The following PNPLA4 variants were observed in gnomAD, a reference collection of about 807,000 sequenced individuals.
The protein encoded by PNPLA4 is patatin like domain 4, phospholipase and triacylglycerol lipase.
A neutral mutation model predicts 18.3 loss-of-function variants in PNPLA4; 15 were observed. That is an observed-to-expected ratio of 0.82 (90% CI 0.55 to 1.26). PNPLA4 has a LOEUF of 1.26. Ranked by LOEUF, PNPLA4 falls within the 50% of genes most tolerant of loss-of-function variation. The pLI, the probability that PNPLA4 is intolerant of heterozygous loss-of-function variation, is 0.00. For synonymous variants in PNPLA4, 88 were observed against 85.6 expected, an observed-to-expected ratio of 1.03 and a Z score of -0.16; for missense variants, 229 against 196.8, an observed-to-expected ratio of 1.16 and a Z score of -0.98.
intron 4 of PNPLA4, among the ~76,000 whole-genome samples, chrX:7,914,510 A>G (rs759898406): frequency 1.8e-5 from 2 of 111,691 alleles, no homozygotes; most frequent in Non-Finnish European, 3.8e-5. Context: ...ATAATCACAG[A>G]CCCTAGGTAT....
At chrX:7,905,124 C>A (rs1275217279) in intron 5 of PNPLA4, among the ~76,000 whole-genome samples, 1 of 112,005 alleles carries the variant, frequency 8.9e-6, no homozygotes, top group Non-Finnish European at 1.9e-5. Flanking sequence ...AATAGAAAAA[C>A]CAAAAACAAA....
chrX:7,898,969 A>G lies in PNPLA4; in HGVS notation c.*1717T>C, dbSNP rs1159512958. On this transcript the variant is annotated 3_prime_UTR_variant, in exon 7 of 7. Transcript: ENST00000381042. ...AATATTCACATGAAATGATCAAAGG[A>G]AGGGGTAAGGAGAAAAGTATTAAAA... is the stretch of plus-strand genomic sequence containing the variant. 6 of 112,120 alleles carry G rather than the reference A, an allele frequency of 5.4e-5. No individual in the cohort carries two copies. The East Asian group carries it at 1.7e-3, about 31-fold the overall frequency. 9.2% of individuals were successfully genotyped at this position (112,120 alleles called of 1,213,427 possible). A position where few individuals can be genotyped will look rare whatever the true frequency, so the allele number is the denominator to read the frequency against.
chrX:7,907,469 C>T (rs1382356060), intron 5 of PNPLA4, among the ~76,000 whole-genome samples: 1 of 112,224 alleles, frequency 8.9e-6, no homozygotes, highest in African/African-American at 3.2e-5. Context: ...TCCAAATTGA[C>T]AAGAATCTGT....
At chrX:7,920,805 A>C (rs954337450) in intron 4 of PNPLA4, among the ~76,000 whole-genome samples, 12 of 112,589 alleles carry the variant, frequency 1.1e-4, no homozygotes, top group Non-Finnish European at 1.9e-4. Flanking sequence ...CAACTTTCAA[A>C]TGTGTTTGGA....
Position 7,921,720 on chromosome X carries a change from A to C in PNPLA4, c.404T>G (p.Leu135Arg). Residue 135 changes from leucine (L) to arginine (R), a missense_variant, in exon 4 of 7, where the codon CTC becomes CGC. Leu to Arg is a moderately radical substitution (Grantham distance 102, BLOSUM62 -2). Coordinates refer to ENST00000381042, the MANE Select transcript of PNPLA4 (RefSeq NM_004650.3). ...LVSTFSSRED[L>R]IKVLLASSFV... The stretch of plus-strand genomic sequence containing the variant: ...GAAACATGGCTTTGTTACCTTAATG[A>C]GGTCCTCCCTGGAGGAAAAAGTGGA... 4.1e-6 allele frequency: 5 copies of C among 1,207,796 alleles called. No individual in the cohort carries two copies. Among genetic ancestry groups the C allele is most frequent in the Non-Finnish European group, 5.6e-6 (5 of 892,232 alleles).
chrX:7,900,629 G>C lies in PNPLA4; in HGVS notation c.*57C>G. 2 of 827,447 alleles carry C rather than the reference G, an allele frequency of 2.4e-6. No homozygotes were observed. Among genetic ancestry groups the C allele is most frequent in the Non-Finnish European group, 3.4e-6 (2 of 592,089 alleles). The allele number at this position is 827,447 out of a possible 1,213,427, so 68.2% of individuals were successfully genotyped here. Reference sequence around the variant, plus strand: ...AGATTTTCTAAAAAGGATTTGATTAGAAACTTCCATCAAAAACTATCTAAA... The same window carrying C: ...AGATTTTCTAAAAAGGATTTGATTACAAACTTCCATCAAAAACTATCTAAA... On this transcript the variant is annotated 3_prime_UTR_variant, in exon 7 of 7. Coordinates refer to ENST00000381042, the MANE Select transcript of PNPLA4 (RefSeq NM_004650.3).
intron 4 of PNPLA4, among the ~76,000 whole-genome samples, chrX:7,920,765 T>C (rs1283640623): frequency 8.9e-6 from 1 of 112,491 alleles, no homozygotes; most frequent in Non-Finnish European, 1.9e-5. Context: ...AGCTGAAGTA[T>C]TTCCCAGAGA....
intron 4 of PNPLA4, among the ~76,000 whole-genome samples, chrX:7,913,175 G>A (rs1355815862): frequency 2.7e-5 from 3 of 111,921 alleles, no homozygotes; most frequent in Non-Finnish European, 3.8e-5. Flanking sequence ...AACTTCCATA[G>A]CTTTCTTATG....
chrX:7,927,478 C>T (rs2146773373), upstream of PNPLA4: 1 of 113,652 alleles, frequency 8.8e-6, no homozygotes, highest in South Asian at 3.5e-4. Context: ...GACGAAGGCG[C>T]CCGCTAGGCC....
chrX:7,907,727 C>T (rs1013270133), intron 5 of PNPLA4, among the ~76,000 whole-genome samples: 1 of 102,504 alleles, frequency 9.8e-6, no homozygotes, highest in East Asian at 3.0e-4. Context: ...TTCTTTCTTT[C>T]TTTTTTTTTT....
rs993860107 is a variant in PNPLA4 at position 7,899,290 on chromosome X, G to A, written c.*1396C>T. On this transcript the variant is annotated 3_prime_UTR_variant, in exon 7 of 7. Transcript: ENST00000381042. ...GAAATGCGTGACAATTGAAGACATG[G>A]AATTAAATTGGTTTGTCTCTAACTG... is the stretch of plus-strand genomic sequence containing the variant. 9.0e-6 allele frequency: 1 copy of A among 111,249 alleles called. No individual in the cohort carries two copies. Among genetic ancestry groups the A allele is most frequent in the Non-Finnish European group, 1.9e-5 (1 of 53,099 alleles). 9.2% of individuals were successfully genotyped at this position (111,249 alleles called of 1,213,427 possible).
At chrX:7,924,834 A>T (rs1342909154) in intron 2 of PNPLA4, among the ~76,000 whole-genome samples, 2 of 112,291 alleles carry the variant, frequency 1.8e-5, no homozygotes, top group African/African-American at 6.5e-5. Flanking sequence ...ACATAACTCC[A>T]AAGCTTAGGA....
Position 7,899,940 on chromosome X carries a change from T to C in PNPLA4, c.*746A>G, listed in dbSNP as rs1203955740. On this transcript the variant is annotated 3_prime_UTR_variant, in exon 7 of 7. Transcript: ENST00000381042. Reference sequence around the variant, plus strand: ...GACCCAGTGGGAGGTAACTGAATCATGGAGGCAGGTCTTTCCCATGCTATT... The same window carrying C: ...GACCCAGTGGGAGGTAACTGAATCACGGAGGCAGGTCTTTCCCATGCTATT... The C allele has an allele frequency of 9.0e-6, 1 of 111,656 alleles. No homozygotes were observed. The highest frequency in any genetic ancestry group is 1.9e-5 in the Non-Finnish European group (1 of 53,129). 9.2% of individuals were successfully genotyped at this position (111,656 alleles called of 1,213,427 possible). A position where few individuals can be genotyped will look rare whatever the true frequency, so the allele number is the denominator to read the frequency against.
intron 5 of PNPLA4, among the ~76,000 whole-genome samples, chrX:7,911,409 G>T (rs932832112): frequency 2.7e-5 from 3 of 111,361 alleles, no homozygotes; most frequent in African/African-American, 9.8e-5. Context: ...ACTCTGTGTA[G>T]ATCACAGAAG....
chrX:7,916,058 C>T (rs185479164), intron 4 of PNPLA4, among the ~76,000 whole-genome samples: 3 of 111,493 alleles, frequency 2.7e-5, no homozygotes, highest in African/African-American at 9.8e-5. Flanking sequence ...AGCATTCACA[C>T]GTGTCAAAAG....
intron 2 of PNPLA4, among the ~76,000 whole-genome samples, chrX:7,923,838 C>G (rs1319490727): frequency 1.3e-4 from 14 of 110,813 alleles, no homozygotes; most frequent in Non-Finnish European, 1.7e-4. Flanking sequence ...ACAGACAGCC[C>G]CTGCCCCGGG....
chrX:7,917,733 C>T (rs1924087581), intron 4 of PNPLA4, among the ~76,000 whole-genome samples: 1 of 111,496 alleles, frequency 9.0e-6, no homozygotes, highest in African/African-American at 3.3e-5. Context: ...AAGAGGACAA[C>T]GTCAGGAAAC....
chrX:7,909,873 G>T (rs749641890), intron 5 of PNPLA4, among the ~76,000 whole-genome samples: 7 of 111,589 alleles, frequency 6.3e-5, no homozygotes, highest in African/African-American at 2.3e-4. Flanking sequence ...AGGGAAGCTG[G>T]GATGTATAAC....
chrX:7,923,061 T>C (rs750631122), intron 2 of PNPLA4, among the ~76,000 whole-genome samples: 2 of 112,651 alleles, frequency 1.8e-5, no homozygotes, highest in African/African-American at 3.2e-5. Context: ...TTCAATGTCT[T>C]AACATTGCAG....
Sources: gnomAD v4.1 joint callset for allele counts (sites outside exome capture counted in the v4.1 genomes callset) on GRCh38, gnomAD v4.1.1 for gene constraint, MANE v1.5 for transcripts, NCBI Gene and HGNC (gene_info 2026-07-23, HGNC 2026-07-21) for gene names.